TF: variants seen among roughly 807,000 people sequenced by gnomAD.
TF encodes the protein transferrin, also known as serotransferrin.
TF carries 55 observed loss-of-function variants against 82.4 expected under a neutral mutation model. The ratio of observed to expected loss-of-function variants is 0.67; its 90% confidence interval spans 0.54 to 0.84. The LOEUF (loss-of-function observed/expected upper bound fraction) is 0.84. Ranked by LOEUF, TF falls within the 40% of genes least tolerant of loss-of-function variation. TF has a pLI of 0.00. For missense variants in TF, 737 were observed against 868.4 expected, an observed-to-expected ratio of 0.85 and a Z score of 1.90; for synonymous variants, 332 against 332.6, an observed-to-expected ratio of 1.00 and a Z score of 0.02.
In TF at chr3:133,775,327, TGGCGAGAA is replaced by T. The variant is rs72563178; in HGVS notation, c.1688-102_1688-95del. The T allele has an allele frequency of 8.7e-4, 1,017 of 1,174,994 alleles. 8 individuals are homozygous for T. In the African/African-American group the frequency reaches 0.013, roughly 15 times the overall value. The allele number at this position is 1,174,994 out of a possible 1,614,324, so 72.8% of individuals were successfully genotyped here. ...GTAACCCCAGTGTGGGCACTTCTGC[TGGCGAGAA>T]GGCCCAGGTTCTCTACACACCACTG... is the stretch of plus-strand genomic sequence containing the variant. On this transcript the variant is annotated intron_variant, in intron 14 of 16. Transcript: ENST00000402696.
At chr3:133,705,489 A>G in the TF span, among the ~76,000 whole-genome samples, 1 of 152,162 alleles carries the variant, frequency 6.6e-6, no homozygotes, top group African/African-American at 2.4e-5. Flanking sequence ...TTTCCCTTCA[A>G]TGAGCACCTC....
At chr3:133,763,919 C>T (rs1934059968) in intron 9 of TF, among the ~76,000 whole-genome samples, 1 of 152,302 alleles carries the variant, frequency 6.6e-6, no homozygotes, top group South Asian at 2.1e-4. Flanking sequence ...TACAAGAGGG[C>T]AAGAGGACTG....
At chr3:133,680,725 C>T in the TF span, among the ~76,000 whole-genome samples, 7 of 152,152 alleles carry the variant, frequency 4.6e-5, no homozygotes. Flanking sequence ...TCCCTTTCAT[C>T]ACTGGCATGG....
chr3:133,679,623 A>G, the TF span, among the ~76,000 whole-genome samples: 1 of 109,388 alleles, frequency 9.1e-6, no homozygotes, highest in Non-Finnish European at 1.7e-5. Flanking sequence ...AGATTCATCC[A>G]TGTTCTTGTG....
At chr3:133,731,206 G>GTTCAGCTTAACCAGCTGAACAGAGCTGA in the TF span, among the ~76,000 whole-genome samples, 1 of 152,236 alleles carries the variant, frequency 6.6e-6, no homozygotes, top group South Asian at 2.1e-4. Context: ...ACTGGACTCT[G>GTTCAGCTTAACCAGCTGAACAGAGCTGA]TTCAGCTTAA....
intron 14 of TF, 21 bp downstream of exon 14, chr3:133,770,593 G>C: frequency 6.2e-7 from 1 of 1,613,524 alleles, no homozygotes; most frequent in African/African-American, 1.3e-5. Context: ...CTGCTCCTCT[G>C]TCCCCCTAGA....
In TF at chr3:133,781,813, C is replaced by T. The variant is rs955002604; in HGVS notation, c.*3193C>T. 2 of 152,074 alleles carry T rather than the reference C, an allele frequency of 1.3e-5. No homozygotes were observed. Among genetic ancestry groups the T allele is most frequent in the Admixed American group, 1.3e-4 (2 of 15,262 alleles). 9.4% of individuals were successfully genotyped at this position (152,074 alleles called of 1,614,324 possible). On this transcript the variant is annotated 3_prime_UTR_variant, in exon 17 of 17. Coordinates refer to ENST00000402696, the MANE Select transcript of TF (RefSeq NM_001063.4). ...CAAAAGCAAAAATAAATAAATGGGA[C>T]TACATCAAGCTGAAAAGCTTCTGCA... is the stretch of plus-strand genomic sequence containing the variant.
At chr3:133,676,883 G>A in the TF span, among the ~76,000 whole-genome samples, 1 of 152,242 alleles carries the variant, frequency 6.6e-6, no homozygotes, top group Non-Finnish European at 1.5e-5. Flanking sequence ...AGAGACAAGA[G>A]CTGCCCATTT....
Position 133,785,724 on chromosome 3 carries a change from CATT to C in TF, c.*7105_*7107del, listed in dbSNP as rs1299830613. On this transcript the variant is annotated 3_prime_UTR_variant, in exon 17 of 17. Transcript: ENST00000402696. ...GGTCTGGGAGGTGTGCCCAACAGCT[CATT>C]GAGAACGGGCCAGGATGACAATGGC... is the stretch of plus-strand genomic sequence containing the variant. 1 of 62,882 alleles carries C rather than the reference CATT, an allele frequency of 1.6e-5. No homozygotes were observed. The highest frequency in any genetic ancestry group is 3.5e-5 in the Non-Finnish European group (1 of 28,926). The allele number at this position is 62,882 out of a possible 1,614,324, so 3.9% of individuals were successfully genotyped here. A position where few individuals can be genotyped will look rare whatever the true frequency, so the allele number is the denominator to read the frequency against.
At chr3:133,682,822 G>A in the TF span, among the ~76,000 whole-genome samples, 1 of 152,100 alleles carries the variant, frequency 6.6e-6, no homozygotes, top group Non-Finnish European at 1.5e-5. Context: ...ACCTAGCAAG[G>A]CAGGCCAACA....
At chr3:133,681,057 A>G in the TF span, among the ~76,000 whole-genome samples, 1 of 152,232 alleles carries the variant, frequency 6.6e-6, no homozygotes, top group Non-Finnish European at 1.5e-5. Flanking sequence ...CGTTTTGCCT[A>G]AATACTACAG....
At chr3:133,764,803 TA>T (rs889441872) in intron 10 of TF, 71 bp from the exon 11 acceptor site, 167 of 1,456,692 alleles carry the variant, frequency 1.1e-4, no homozygotes, top group African/African-American at 3.1e-4. Flanking sequence ...AGCTGCAGCA[TA>T]AAAAAAAGGC....
chr3:133,786,575 C>T lies in TF; in HGVS notation c.*7955C>T, dbSNP rs1386742910. ...GGACAAATGAGTCCTGACTTTACAT[C>T]TAGTCTTTCTAGATGTTAAAGAGGT... On this transcript the variant is annotated 3_prime_UTR_variant, in exon 17 of 17. Coordinates refer to ENST00000402696, the MANE Select transcript of TF (RefSeq NM_001063.4). 6.6e-6 allele frequency: 1 copy of T among 152,212 alleles called. No homozygotes were observed. The highest frequency in any genetic ancestry group is 1.5e-5 in the Non-Finnish European group (1 of 68,024). 9.4% of individuals were successfully genotyped at this position (152,212 alleles called of 1,614,324 possible).
chr3:133,684,466 TAAAG>T, the TF span, among the ~76,000 whole-genome samples: 1 of 150,720 alleles, frequency 6.6e-6, no homozygotes. Context: ...GCAAGACTAA[TAAAG>T]AAAAAAAGAG....
At chr3:133,706,469 G>A in the TF span, among the ~76,000 whole-genome samples, 1 of 152,062 alleles carries the variant, frequency 6.6e-6, no homozygotes, top group Non-Finnish European at 1.5e-5. Flanking sequence ...GTGGTTCTCA[G>A]GTGTAGTCTC....
the TF span, among the ~76,000 whole-genome samples, chr3:133,662,709 T>C: frequency 1.3e-5 from 2 of 152,164 alleles, no homozygotes; most frequent in African/African-American, 4.8e-5. Context: ...GGAAAACTGA[T>C]TCGTTGTTGC....
the TF span, among the ~76,000 whole-genome samples, chr3:133,735,717 T>A: frequency 6.6e-6 from 1 of 151,842 alleles, no homozygotes; most frequent in Non-Finnish European, 1.5e-5. Flanking sequence ...AGATTGAAGA[T>A]CAACTTAATG....
the TF span, among the ~76,000 whole-genome samples, chr3:133,703,340 G>A: frequency 6.6e-6 from 1 of 152,176 alleles, no homozygotes; most frequent in Non-Finnish European, 1.5e-5. Context: ...AAATAGCATA[G>A]TATTGAGGGA....
At chr3:133,743,202 T>C (rs1477119293), upstream of TF, among the ~76,000 whole-genome samples, 1 of 152,196 alleles carries the variant, frequency 6.6e-6, no homozygotes, top group Non-Finnish European at 1.5e-5. Flanking sequence ...GTACTGATCT[T>C]ATCTTGCATG....
Sources: allele counts gnomAD v4.1 joint callset (sites outside exome capture counted in the v4.1 genomes callset), GRCh38; gene constraint gnomAD v4.1.1; transcripts MANE v1.5; gene names NCBI Gene and HGNC (gene_info 2026-07-23, HGNC 2026-07-21).